ANKRD6: variants seen among roughly 807,000 people sequenced by gnomAD.
ANKRD6 encodes ankyrin repeat domain-containing protein 6.
Under a neutral mutation model 82.3 loss-of-function variants are expected in ANKRD6, and 56 were observed. That is an observed-to-expected ratio of 0.68 (90% confidence interval 0.55 to 0.85). The LOEUF is 0.85. ANKRD6 is among the 40% of genes least tolerant of loss of function. The pLI, the probability that ANKRD6 is intolerant of heterozygous loss-of-function variation, is 0.00. For synonymous variants in ANKRD6, 347 were observed against 352.1 expected (o/e 0.99, Z 0.16); for missense variants, 852 against 907.6 (o/e 0.94, Z 0.79).
At chr6:89,442,762 A>C (rs1365102661) in intron 1 of ANKRD6, among the ~76,000 whole-genome samples, 1 of 152,216 alleles carries the variant, frequency 6.6e-6, no homozygotes, top group African/African-American at 2.4e-5. Flanking sequence ...ATCAGTAGAC[A>C]GAAGTCTCTG....
chr6:89,623,277 GA>G, intron 10 of ANKRD6, 132 bp from the exon 11 acceptor site: 3 of 1,261,974 alleles, frequency 2.4e-6, no homozygotes, highest in Non-Finnish European at 3.2e-6. Context: ...TCCTATGTCT[GA>G]AATTTATGTT....
intron 1 of ANKRD6, among the ~76,000 whole-genome samples, chr6:89,446,062 AG>A (rs1772047208): frequency 6.6e-6 from 1 of 151,856 alleles, no homozygotes; most frequent in African/African-American, 2.4e-5. Context: ...TATTAAAATT[AG>A]GTGAATTGGC....
At chr6:89,508,036 C>G (rs1780083602) in intron 1 of ANKRD6, among the ~76,000 whole-genome samples, 1 of 152,168 alleles carries the variant, frequency 6.6e-6, no homozygotes, top group African/African-American at 2.4e-5. Context: ...ATACCTACCA[C>G]CTGCATAAAT....
Position 89,624,049 on chromosome 6 carries a change from G to A in ANKRD6, c.1210G>A (p.Val404Met). Reference protein sequence around the residue: ...YTLYRGKDGKVMQAPINGCRC... With the variant: ...YTLYRGKDGKMMQAPINGCRC... ...ATTGTACCGGGGCAAGGATGGGAAAGTGATGCAGGTACCTGCAAAGCAGTG... is the reference window on the plus strand; with the variant it reads ...ATTGTACCGGGGCAAGGATGGGAAAATGATGCAGGTACCTGCAAAGCAGTG... Residue 404 changes from valine to methionine, a missense_variant, in exon 12 of 16, where the codon GTG becomes ATG. Transcript: ENST00000339746. 1 of 1,608,800 alleles carries A rather than the reference G, an allele frequency of 6.2e-7. No individual in the cohort carries two copies. Among genetic ancestry groups the A allele is most frequent in the Non-Finnish European group, 8.5e-7 (1 of 1,177,492 alleles).
rs1788648712 is a variant in ANKRD6 at position 89,566,894 on chromosome 6, G to A, written c.-83G>A. On this transcript the variant is annotated 5_prime_UTR_variant, in exon 2 of 16. Coordinates refer to ENST00000339746, the MANE Select transcript of ANKRD6 (RefSeq NM_001242809.2). ...GATGATTGTGAACATCTTTACCTCTGGGTGCCAGGCCGGGCCAGTGACTTC... is the reference window on the plus strand; with the variant it reads ...GATGATTGTGAACATCTTTACCTCTAGGTGCCAGGCCGGGCCAGTGACTTC... 10 of 1,511,418 alleles carry A rather than the reference G, an allele frequency of 6.6e-6. No individual in the cohort carries two copies. 93.6% of individuals were successfully genotyped at this position (1,511,418 alleles called of 1,614,324 possible).
intron 2 of ANKRD6, among the ~76,000 whole-genome samples, chr6:89,591,846 T>C (rs4706345): frequency 0.79 from 120,167 of 152,052 alleles, 47,901 homozygotes; most frequent in East Asian, 0.88. Flanking sequence ...TGTACTTTAA[T>C]CAGAGGCCAG....
At position 89,545,473 on chromosome 6, in the gene ANKRD6, G is replaced by A. The variant is rs117544697; in HGVS notation, c.-143-21361G>A. 3.3e-3 allele frequency among the ~76,000 whole-genome samples: 506 copies of A among 152,302 alleles called. 2 individuals carry two copies. The highest frequency in any genetic ancestry group is 7.5e-3 in the South Asian group (36 of 4,818). ...AGCTCTACTGGTCATAGCAGCAGTA[G>A]CTGAGATAGTGCAGCTGAGAGGATT... On this transcript the variant is annotated intron_variant, in intron 1 of 15. Coordinates refer to ENST00000339746, the MANE Select transcript of ANKRD6 (RefSeq NM_001242809.2).
At chr6:89,589,150 G>T (rs374933603) in intron 2 of ANKRD6, among the ~76,000 whole-genome samples, 1 of 152,126 alleles carries the variant, frequency 6.6e-6, no homozygotes, top group South Asian at 2.1e-4. Flanking sequence ...GGTCTGAAAG[G>T]CCTGCCCTTT....
intron 1 of ANKRD6, among the ~76,000 whole-genome samples, chr6:89,493,231 C>T (rs1267529696): frequency 2.0e-5 from 3 of 152,080 alleles, no homozygotes; most frequent in African/African-American, 4.8e-5. Context: ...GTTGCAGGGC[C>T]CTGCTCCCTC....
chr6:89,467,641 A>G (rs1326672754), intron 1 of ANKRD6, among the ~76,000 whole-genome samples: 1 of 152,232 alleles, frequency 6.6e-6, no homozygotes, highest in African/African-American at 2.4e-5. Flanking sequence ...AATGCTTAGT[A>G]TCACAGTGCT....
intron 1 of ANKRD6, among the ~76,000 whole-genome samples, chr6:89,510,673 T>TAGC (rs1260001639): frequency 1.3e-5 from 2 of 152,158 alleles, no homozygotes; most frequent in Admixed American, 1.3e-4. Context: ...CTGTACTTAT[T>TAGC]AGCAGTGACT....
chr6:89,568,401 T>C (rs1789025380), intron 2 of ANKRD6: 1 of 152,204 alleles, frequency 6.6e-6, no homozygotes, highest in African/African-American at 2.4e-5. Context: ...GTCTGCAAGT[T>C]TTTTCTATAC....
intron 8 of ANKRD6, among the ~76,000 whole-genome samples, chr6:89,617,597 C>G (rs1160227733): frequency 6.6e-6 from 1 of 152,214 alleles, no homozygotes; most frequent in Non-Finnish European, 1.5e-5. Context: ...CTGAAACATT[C>G]CCCCTGGATG....
intron 1 of ANKRD6, among the ~76,000 whole-genome samples, chr6:89,473,923 G>T (rs1485725019): frequency 5.9e-5 from 9 of 152,188 alleles, no homozygotes; most frequent in Non-Finnish European, 1.3e-4. Context: ...GAGGTGAGAA[G>T]TGAGCCAAGA....
intron 1 of ANKRD6, among the ~76,000 whole-genome samples, chr6:89,529,730 A>G (rs576328573): frequency 6.6e-6 from 1 of 152,286 alleles, no homozygotes; most frequent in Admixed American, 6.5e-5. Context: ...AGGCCATTGT[A>G]TGGTTATCAC....
chr6:89,473,237 C>G (rs547181401), intron 1 of ANKRD6, among the ~76,000 whole-genome samples: 236 of 151,938 alleles, frequency 1.6e-3, no homozygotes, highest in African/African-American at 5.3e-3. Flanking sequence ...ATGGTGAGAC[C>G]CTGTCTCTAC....
intron 9 of ANKRD6, chr6:89,618,393 G>A: frequency 6.9e-6 from 4 of 582,454 alleles, no homozygotes. Context: ...GAAGAAGTGG[G>A]ACAGGGACTT....
chr6:89,602,862 A>G, intron 3 of ANKRD6, 167 bp from the exon 4 acceptor site: 1 of 578,320 alleles, frequency 1.7e-6, no homozygotes, highest in East Asian at 2.8e-5. Flanking sequence ...GTCTACTAAC[A>G]AGACCACAAA....
chr6:89,462,233 A>AAATAATAAAAATAAT (rs375567283), intron 1 of ANKRD6, among the ~76,000 whole-genome samples: 3,593 of 105,986 alleles, frequency 0.034, 87 homozygotes, highest in African/African-American at 0.063. Flanking sequence ...CTCCATCTCA[A>AAATAATAAAAATAAT]AATAATAATA....
Sources: allele counts gnomAD v4.1 joint callset (sites outside exome capture counted in the v4.1 genomes callset), GRCh38; gene constraint gnomAD v4.1.1; transcripts MANE v1.5; gene names NCBI Gene and HGNC (gene_info 2026-07-23, HGNC 2026-07-21).